Variants in BACH1 observed in about 807,000 individuals in gnomAD.
BACH1 encodes the protein transcription regulator protein BACH1.
A neutral mutation model predicts 52.9 loss-of-function variants in BACH1; 35 were observed. The ratio of observed to expected loss-of-function variants is 0.66; its 90% CI spans 0.51 to 0.88. The LOEUF (loss-of-function observed/expected upper bound fraction) is 0.88, where lower values mean the gene tolerates loss of function less well. BACH1 is among the 40% of genes least tolerant of loss of function. The pLI is 0.00. For missense variants in BACH1, 808 were observed against 872.6 expected (o/e 0.93, Z 0.93); for synonymous variants, 321 against 319.6 (o/e 1.00, Z -0.05).
chr21:29,356,970 T>C (rs1177777768), intron 2 of BACH1, among the ~76,000 whole-genome samples: 1 of 152,234 alleles, frequency 6.6e-6, no homozygotes, highest in Non-Finnish European at 1.5e-5. Flanking sequence ...TTGATGGCTT[T>C]GGCAGTGTAA....
chr21:29,360,573 A>T (rs557857107), intron 2 of BACH1, among the ~76,000 whole-genome samples: 1 of 152,070 alleles, frequency 6.6e-6, no homozygotes, highest in Admixed American at 6.5e-5. Flanking sequence ...GGCCAGGCGC[A>T]GTGGCTCACG....
At chr21:29,302,657 A>T (rs1305440077) in intron 1 of BACH1, among the ~76,000 whole-genome samples, 1 of 152,238 alleles carries the variant, frequency 6.6e-6, no homozygotes, top group African/African-American at 2.4e-5. Context: ...TGGTTAGAAC[A>T]GTGCCAGCTT....
intron 4 of BACH1, among the ~76,000 whole-genome samples, chr21:29,333,311 G>T (rs1457373653): frequency 6.6e-6 from 1 of 152,166 alleles, no homozygotes; most frequent in Non-Finnish European, 1.5e-5. Flanking sequence ...ACAGCCAGAG[G>T]TTTATACTTA....
intron 2 of BACH1, among the ~76,000 whole-genome samples, chr21:29,358,633 G>A (rs1209020877): frequency 6.6e-6 from 1 of 151,914 alleles, no homozygotes; most frequent in East Asian, 1.9e-4. Context: ...CCAGCTACTG[G>A]GGAGGCTGAG....
intron 1 of BACH1, among the ~76,000 whole-genome samples, chr21:29,308,434 C>T (rs1457726038): frequency 2.0e-5 from 3 of 152,076 alleles, no homozygotes; most frequent in Admixed American, 6.5e-5. Context: ...ATACTGATTG[C>T]CCTACGGTAA....
chr21:29,342,216 C>T (rs2089121713), intron 4 of BACH1, among the ~76,000 whole-genome samples, 183 bp from the exon 5 acceptor site: 1 of 152,146 alleles, frequency 6.6e-6, no homozygotes, highest in Non-Finnish European at 1.5e-5. Context: ...TACATCTGCC[C>T]CAAGAGTTTT....
In BACH1 at chr21:29,326,772, C is replaced by A. The variant is rs1212194673; in HGVS notation, c.948C>A (p.Asp316Glu). The A allele has an allele frequency of 3.7e-6, 6 of 1,614,022 alleles. No individual in the cohort carries two copies. In the South Asian group the frequency reaches 6.6e-5, roughly 18 times the overall value. The change falls in exon 3 of 5, where the codon GAC (aspartate) becomes GAA (glutamate). Residue 316 changes from aspartate to glutamate, a missense_variant. Coordinates refer to ENST00000286800, the MANE Select transcript of BACH1 (RefSeq NM_001186.4). ...CTTTCCCCCACAATTCTTCCATAGA[C>A]CCTCATGGACTTTATTCTTTGTCTC... ...VTPFPHNSSI[D>E]PHGLYSLSLL...
At chr21:29,305,154 A>AG (rs1348272310) in intron 1 of BACH1, 1 of 151,902 alleles carries the variant, frequency 6.6e-6, no homozygotes, top group Non-Finnish European at 1.5e-5. Flanking sequence ...AAGAAAAAAA[A>AG]AAGCTTTTGG....
At chr21:29,328,261 T>C (rs1003543942) in intron 3 of BACH1, among the ~76,000 whole-genome samples, 2 of 152,218 alleles carry the variant, frequency 1.3e-5, no homozygotes, top group Non-Finnish European at 2.9e-5. Context: ...ATGTAGCTGG[T>C]ATGATATTAA....
Position 29,321,431 on chromosome 21 carries a change from G to A in BACH1, c.151G>A (p.Val51Met), listed in dbSNP as rs149732438. The A allele has an allele frequency of 5.3e-5, 86 of 1,614,100 alleles. No homozygotes were observed. The East Asian group carries it at 6.0e-4, about 11-fold the overall frequency. The change falls in exon 2 of 5, where the codon GTG becomes ATG. Residue 51 changes from valine (V) to methionine (M), a missense_variant. Val to Met is a conservative substitution (Grantham distance 21). Transcript: ENST00000286800. ...EGQRFRAHRS[V>M]LAACSSYFHS... is the part of the protein sequence containing the mutation. Reference sequence around the variant, plus strand: ...ACAGCGGTTCCGCGCTCACCGGTCCGTGCTGGCGGCATGCAGCAGTTACTT... The same window carrying A: ...ACAGCGGTTCCGCGCTCACCGGTCCATGCTGGCGGCATGCAGCAGTTACTT...
chr21:29,319,723 A>G (rs2088827180), intron 1 of BACH1, among the ~76,000 whole-genome samples: 1 of 147,474 alleles, frequency 6.8e-6, no homozygotes, highest in Admixed American at 6.9e-5. Context: ...GGAGGCTGGG[A>G]GCGTGGGTAC....
Position 29,342,658 on chromosome 21 carries a change from T to G in BACH1, c.2036T>G (p.Val679Gly). 6.2e-7 allele frequency: 1 copy of G among 1,614,238 alleles called. No homozygotes were observed. The highest frequency in any genetic ancestry group is 8.5e-7 in the Non-Finnish European group (1 of 1,180,046). The stretch of plus-strand genomic sequence containing the variant: ...AGTTTATCTGACCGGCCTCCAGCAG[T>G]GCTGCCTCCCTGTGCCAGAGGAAAC... Reference protein sequence around the residue: ...IFSLSDRPPAVLPPCARGNSE... With the variant: ...IFSLSDRPPAGLPPCARGNSE... The change falls in exon 5 of 5, where the codon GTG becomes GGG. Residue 679 changes from valine to glycine, a missense_variant. Coordinates refer to ENST00000286800, the MANE Select transcript of BACH1 (RefSeq NM_001186.4).
chr21:29,359,756 G>T lies in BACH1; in HGVS notation c.472+30063G>T, dbSNP rs115582292. On this transcript the variant is annotated intron_variant, in intron 2 of 4. Coordinates refer to the BACH1 transcript ENST00000422809. ...TACCTCCCTCACAATTTGCCCGTAA[G>T]GAAATTCCTTGTGAGCCTCAAAGAT... is the stretch of plus-strand genomic sequence containing the variant. Among the ~76,000 whole-genome samples the T allele has an allele frequency of 5.3e-3, 809 of 152,180 alleles. 6 individuals are homozygous for T. The highest frequency in any genetic ancestry group is 0.018 in the African/African-American group (766 of 41,510).
At chr21:29,315,758 T>C (rs2088779122) in intron 1 of BACH1, among the ~76,000 whole-genome samples, 1 of 152,220 alleles carries the variant, frequency 6.6e-6, no homozygotes, top group Admixed American at 6.5e-5. Flanking sequence ...TAAATACCTT[T>C]CCAGATGTCC....
At chr21:29,310,222 AATC>A (rs1333745459) in intron 1 of BACH1, among the ~76,000 whole-genome samples, 1 of 152,242 alleles carries the variant, frequency 6.6e-6, no homozygotes, top group Admixed American at 6.5e-5. Context: ...ATTTCACGAC[AATC>A]AAAATAATTG....
At chr21:29,308,927 A>G (rs905587749) in intron 1 of BACH1, among the ~76,000 whole-genome samples, 9 of 152,110 alleles carry the variant, frequency 5.9e-5, no homozygotes, top group Non-Finnish European at 8.8e-5. Context: ...GTGATGCATG[A>G]GATTGGTTAT....
downstream of BACH1, chr21:29,346,154 T>C (rs1171398109): frequency 1.3e-5 from 2 of 152,288 alleles, no homozygotes; most frequent in African/African-American, 4.8e-5. Context: ...TTGAATAGAA[T>C]TGTACATTCC....
In BACH1 at chr21:29,321,398, G is replaced by A. The variant is rs771426453; in HGVS notation, c.118G>A (p.Val40Met). The A allele has an allele frequency of 6.8e-6, 11 of 1,614,118 alleles. No individual in the cohort carries two copies. Among genetic ancestry groups the A allele is most frequent in the Non-Finnish European group, 9.3e-6 (11 of 1,180,058 alleles). Residue 40 changes from valine (V) to methionine (M), a missense_variant, in exon 2 of 5, where the codon GTG becomes ATG. Val to Met is a conservative substitution (Grantham distance 21). Coordinates refer to ENST00000286800, the MANE Select transcript of BACH1 (RefSeq NM_001186.4). ...KDVLCDVTIF[V>M]EGQRFRAHRS... is the part of the protein sequence containing the mutation. ...TGTGCTGTGCGATGTCACCATCTTT[G>A]TGGAGGGACAGCGGTTCCGCGCTCA... is the stretch of plus-strand genomic sequence containing the variant.
intron 4 of BACH1, among the ~76,000 whole-genome samples, chr21:29,340,972 A>G (rs1395427867): frequency 7.0e-6 from 1 of 143,510 alleles, no homozygotes; most frequent in Admixed American, 7.0e-5. Context: ...CATCTATTTA[A>G]AAAAAAAAAA....
Sources: allele counts gnomAD v4.1 joint callset (sites outside exome capture counted in the v4.1 genomes callset), GRCh38; gene constraint gnomAD v4.1.1; transcripts MANE v1.5; gene names NCBI Gene and HGNC (gene_info 2026-07-23, HGNC 2026-07-21).